Variants in C21orf58 observed in about 807,000 individuals in gnomAD.
The protein encoded by C21orf58 is uncharacterized protein C21orf58.
C21orf58 carries 34 observed loss-of-function variants against 35.8 expected under a neutral mutation model. The observed-to-expected ratio is 0.95, with a 90% confidence interval of 0.72 to 1.26. C21orf58 has a LOEUF of 1.26. Among genes scored for constraint, C21orf58 ranks in the 50% most tolerant of loss-of-function variants. The pLI is 0.00. For missense variants in C21orf58, 440 were observed against 414.3 expected (o/e 1.06, Z -0.54); for synonymous variants, 191 against 175.8 (o/e 1.09, Z -0.68).
intron 1 of C21orf58, chr21:46,318,718 G>C (rs1340799834): frequency 3.0e-6 from 3 of 1,009,984 alleles, no homozygotes; most frequent in Non-Finnish European, 3.6e-6. Flanking sequence ...ACAGAGGAGG[G>C]GTTGTGACCT....
intron 1 of C21orf58, 25 bp downstream of exon 1, chr21:46,322,614 G>A (rs771433114): frequency 8.5e-5 from 127 of 1,491,740 alleles, no homozygotes; most frequent in Non-Finnish European, 9.6e-5. Flanking sequence ...CTGGGAACCA[G>A]GAGACCGCTG....
At chr21:46,303,745 ATTTTTTTTT>A (rs869177693) in intron 6 of C21orf58, among the ~76,000 whole-genome samples, 309 of 23,714 alleles carry the variant, frequency 0.013, 1 homozygote, top group African/African-American at 0.045. Context: ...ATATATATAT[ATTTTTTTTT>A]TTTTTTTTTT....
chr21:46,302,662 C>A, intron 6 of C21orf58, 86 bp from the exon 7 acceptor site: 1 of 1,095,906 alleles, frequency 9.1e-7, no homozygotes, highest in South Asian at 1.4e-5. Flanking sequence ...GACCAGAGAA[C>A]AGGTGTGTCT....
intron 7 of C21orf58, 59 bp downstream of exon 7, chr21:46,302,426 A>G: frequency 7.2e-7 from 1 of 1,385,794 alleles, no homozygotes; most frequent in Non-Finnish European, 1.0e-6. Flanking sequence ...AATTTCCAGA[A>G]GAAAAACCAC....
chr21:46,305,735 C>T (rs866155006), intron 6 of C21orf58, among the ~76,000 whole-genome samples: 23 of 151,156 alleles, frequency 1.5e-4, no homozygotes, highest in African/African-American at 5.6e-4. Context: ...GTTAGAAGAT[C>T]GAGACCATCC....
chr21:46,311,867 C>T (rs868011222), intron 5 of C21orf58, among the ~76,000 whole-genome samples: 2 of 150,280 alleles, frequency 1.3e-5, no homozygotes, highest in Non-Finnish European at 3.0e-5. Context: ...ACCTACCCAT[C>T]CATCCAACCA....
At position 46,321,820 on chromosome 21, in the gene C21orf58, C is replaced by T. The variant is rs181838114; in HGVS notation, c.100+819G>A. ...TATTGCACTCTTTGGGAGGAAGTGG[C>T]TATGTGTGGTCTACACTTAAGGAGA... On this transcript the variant is annotated intron_variant, in intron 1 of 7. Coordinates refer to ENST00000291691, the MANE Select transcript of C21orf58 (RefSeq NM_058180.5). Among the ~76,000 whole-genome samples the T allele has an allele frequency of 2.0e-5, 3 of 150,750 alleles. No homozygotes were observed. In the East Asian group the frequency reaches 5.9e-4, roughly 29 times the overall value.
At chr21:46,306,372 G>A (rs2082418909) in intron 6 of C21orf58, among the ~76,000 whole-genome samples, 2 of 150,476 alleles carry the variant, frequency 1.3e-5, no homozygotes, top group South Asian at 4.2e-4. Flanking sequence ...GGTGGCACAC[G>A]CCTGTAGTCC....
intron 3 of C21orf58, among the ~76,000 whole-genome samples, chr21:46,316,050 G>A (rs1042517204): frequency 2.0e-5 from 3 of 152,094 alleles, no homozygotes; most frequent in Non-Finnish European, 2.9e-5. Flanking sequence ...GTGGGAGGTT[G>A]CACTGGGAGG....
At chr21:46,307,822 T>C (rs1008585505) in intron 6 of C21orf58, among the ~76,000 whole-genome samples, 2 of 152,138 alleles carry the variant, frequency 1.3e-5, no homozygotes, top group Non-Finnish European at 1.5e-5. Flanking sequence ...CATTAGTCAT[T>C]AGGGCAATGC....
At chr21:46,315,932 C>T (rs1469151460) in intron 3 of C21orf58, among the ~76,000 whole-genome samples, 1 of 152,106 alleles carries the variant, frequency 6.6e-6, no homozygotes, top group Non-Finnish European at 1.5e-5. Flanking sequence ...CTGGAGCCAC[C>T]CTCTGGCCCC....
intron 6 of C21orf58, among the ~76,000 whole-genome samples, chr21:46,305,315 T>C (rs982191841): frequency 1.4e-5 from 2 of 148,090 alleles, no homozygotes; most frequent in Non-Finnish European, 3.0e-5. Flanking sequence ...TTTTTTTTAA[T>C]CACAAATTAA....
chr21:46,317,410 T>A, intron 2 of C21orf58, 142 bp from the exon 3 acceptor site: 2 of 1,436,320 alleles, frequency 1.4e-6, no homozygotes, highest in Non-Finnish European at 1.9e-6. Context: ...CAGGCGGGAG[T>A]CAAGCCCCTC....
In C21orf58 at chr21:46,310,864, C is replaced by CTAT. The variant is rs1036742262; in HGVS notation, c.721+589_721+591dup. Among the ~76,000 whole-genome samples, 160 of 150,602 alleles carry CTAT rather than the reference C, an allele frequency of 1.1e-3. 1 individual carries two copies. Among genetic ancestry groups the CTAT allele is most frequent in the Middle Eastern group, 3.5e-3 (1 of 286 alleles). ...ATTTTAAAAATCAAGTATTTAAAAG[C>CTAT]TATTATTATTATTATTATTTTTGAG... On this transcript the variant is annotated intron_variant, in intron 6 of 7. Transcript: ENST00000291691.
At chr21:46,318,851 C>T in intron 1 of C21orf58, 1 of 987,588 alleles carries the variant, frequency 1.0e-6, no homozygotes, top group Non-Finnish European at 1.2e-6. Flanking sequence ...TGACGCAAAA[C>T]AGGAGCGTGG....
At chr21:46,310,445 C>T (rs916027501) in intron 6 of C21orf58, among the ~76,000 whole-genome samples, 4 of 149,998 alleles carry the variant, frequency 2.7e-5, no homozygotes, top group Non-Finnish European at 5.9e-5. Flanking sequence ...CGCCATTGCA[C>T]TCCTATCTGT....
chr21:46,315,001 G>T (rs1377400558), intron 4 of C21orf58, 121 bp from the exon 5 acceptor site: 2 of 1,549,584 alleles, frequency 1.3e-6, no homozygotes. Flanking sequence ...CGGGCAGGAT[G>T]GCCATGACTG....
chr21:46,302,374 A>C (rs2082145022), intron 7 of C21orf58, 111 bp downstream of exon 7: 3 of 1,089,264 alleles, frequency 2.8e-6, no homozygotes, highest in Non-Finnish European at 4.0e-6. Flanking sequence ...CAGACTGTAG[A>C]CCTGAGCCAG....
chr21:46,318,197 G>C lies in C21orf58; in HGVS notation c.124C>G (p.Arg42Gly), dbSNP rs77001490. The C allele has an allele frequency of 6.2e-7, 1 of 1,612,644 alleles. No individual in the cohort carries two copies. Among genetic ancestry groups the C allele is most frequent in the Admixed American group, 1.7e-5 (1 of 60,018 alleles). ...CAAGCACCGGTGTTGCCTGCAGGGCGGGCCTTACCTCCTGGAGACCAGCCT... is the reference window on the plus strand; with the variant it reads ...CAAGCACCGGTGTTGCCTGCAGGGCCGGCCTTACCTCCTGGAGACCAGCCT... The part of the protein sequence containing the change: ...LCGWSPGGKA[R>G]PAGNTGAWAP... Residue 42 changes from arginine to glycine, a missense_variant, in exon 2 of 8, where the codon CGC becomes GGC. Physicochemically the swap from Arg to Gly is moderately radical, Grantham distance 125 (BLOSUM62 -2). Coordinates refer to ENST00000291691, the MANE Select transcript of C21orf58 (RefSeq NM_058180.5).
Sources: allele counts gnomAD v4.1 joint callset (sites outside exome capture counted in the v4.1 genomes callset), GRCh38; gene constraint gnomAD v4.1.1; transcripts MANE v1.5; gene names NCBI Gene and HGNC (gene_info 2026-07-23, HGNC 2026-07-21).